The following IGSF10 variants were observed in gnomAD, a reference collection of about 807,000 sequenced individuals.
IGSF10 encodes calvaria mechanical force protein 608.
A neutral mutation model predicts 128.2 loss-of-function variants in IGSF10; 126 were observed. The observed-to-expected ratio is 0.98, with a 90% CI of 0.85 to 1.14. IGSF10 has a LOEUF of 1.14. IGSF10 is among the 50% of genes most tolerant of loss of function. IGSF10 has a pLI of 0.00. For missense variants in IGSF10, 3,295 were observed against 3,149.8 expected (o/e 1.05, Z -1.10); for synonymous variants, 1,185 against 1,146.2 (o/e 1.03, Z -0.68).
chr3:151,568,458 A>C, the IGSF10 span, among the ~76,000 whole-genome samples: 1 of 152,134 alleles, frequency 6.6e-6, no homozygotes, highest in South Asian at 2.1e-4. Context: ...ACTACTAGAT[A>C]GTGTTTGGCT....
At chr3:151,490,762 A>G in the IGSF10 span, among the ~76,000 whole-genome samples, 1 of 152,168 alleles carries the variant, frequency 6.6e-6, no homozygotes, top group African/African-American at 2.4e-5. Context: ...ATTAAACAAC[A>G]TGCTCCTGAA....
chr3:151,510,065 C>CA, the IGSF10 span, among the ~76,000 whole-genome samples: 4 of 152,222 alleles, frequency 2.6e-5, no homozygotes, highest in Non-Finnish European at 5.9e-5. Flanking sequence ...CACAGACAAA[C>CA]AAAAGACAGC....
At position 151,448,731 on chromosome 3, in the gene IGSF10, T is replaced by G; in HGVS notation, c.1250A>C (p.Asn417Thr). ...ATCTGCTCTGAGATCTGCCTCTATG[T>G]TGGTAAAAATGTCTTCAGGCTTAGG... ...VAPKPEDIFT[N>T]IEADLRADPS... The change falls in exon 6 of 8, where the codon AAC (asparagine) becomes ACC (threonine). Residue 417 changes from asparagine (N) to threonine (T), a missense_variant. Physicochemically the swap from Asn to Thr is moderately conservative, Grantham distance 65 (BLOSUM62 0). Coordinates refer to ENST00000282466, the MANE Select transcript of IGSF10 (RefSeq NM_178822.5). 1 of 1,613,736 alleles carries G rather than the reference T, an allele frequency of 6.2e-7. No individual in the cohort carries two copies. The highest frequency in any genetic ancestry group is 8.5e-7 in the Non-Finnish European group (1 of 1,179,630).
chr3:151,589,192 G>A, the IGSF10 span, among the ~76,000 whole-genome samples: 1 of 152,122 alleles, frequency 6.6e-6, no homozygotes, highest in African/African-American at 2.4e-5. Flanking sequence ...TAGAAGCCTT[G>A]TTAGCTTGTT....
rs746528954 is a variant in IGSF10, at chr3:151,445,650, C to T, written c.4331G>A (p.Ser1444Asn). 6.2e-7 allele frequency: 1 copy of T among 1,614,188 alleles called. No individual in the cohort carries two copies. Among genetic ancestry groups the T allele is most frequent in the Non-Finnish European group, 8.5e-7 (1 of 1,180,038 alleles). ...STIASETTLSSKSHQSTTTRK... is the reference protein window; with the variant it reads ...STIASETTLSNKSHQSTTTRK... ...AGTTGTGGTACTCTGGTGTGATTTG[C>T]TGGACAAAGTTGTTTCAGAAGCAAT... The change falls in exon 6 of 8, where the codon AGC becomes AAC. Residue 1444 changes from serine to asparagine, a missense_variant. By Grantham distance (46) the Ser-to-Asn change is conservative. Coordinates refer to ENST00000282466, the MANE Select transcript of IGSF10 (RefSeq NM_178822.5).
chr3:151,499,019 C>A, the IGSF10 span, among the ~76,000 whole-genome samples: 4 of 151,840 alleles, frequency 2.6e-5, no homozygotes, highest in Non-Finnish European at 4.4e-5. Flanking sequence ...GCAAAGGAAG[C>A]CATAGGAGGC....
chr3:151,544,037 G>A, the IGSF10 span, among the ~76,000 whole-genome samples: 1 of 152,104 alleles, frequency 6.6e-6, no homozygotes, highest in Non-Finnish European at 1.5e-5. Context: ...AGCCTCCCAA[G>A]TAGCTGGGAC....
At chr3:151,478,721 C>T in the IGSF10 span, among the ~76,000 whole-genome samples, 21 of 152,004 alleles carry the variant, frequency 1.4e-4, no homozygotes, top group Non-Finnish European at 2.8e-4. Flanking sequence ...AATCATTTTG[C>T]ATTTGAGAAG....
the IGSF10 span, among the ~76,000 whole-genome samples, chr3:151,532,085 G>C: frequency 2.6e-5 from 4 of 152,098 alleles, no homozygotes; most frequent in African/African-American, 9.7e-5. Context: ...TAGAAGAAAA[G>C]AACAAATTCC....
At chr3:151,504,843 G>T in the IGSF10 span, among the ~76,000 whole-genome samples, 1 of 152,222 alleles carries the variant, frequency 6.6e-6, no homozygotes, top group Non-Finnish European at 1.5e-5. Context: ...GTACTGATAA[G>T]ATTTGGCTGA....
the IGSF10 span, among the ~76,000 whole-genome samples, chr3:151,592,796 A>T: frequency 6.6e-5 from 10 of 152,212 alleles, no homozygotes; most frequent in Non-Finnish European, 1.5e-4. Flanking sequence ...TGACACTATT[A>T]TCATTACTGT....
the IGSF10 span, among the ~76,000 whole-genome samples, chr3:151,573,149 C>T: frequency 6.6e-6 from 1 of 152,104 alleles, no homozygotes; most frequent in African/African-American, 2.4e-5. Flanking sequence ...TTACTTCCAA[C>T]TATGTGGTCA....
intron 3 of IGSF10, among the ~76,000 whole-genome samples, chr3:151,457,483 T>C (rs1721850379): frequency 6.6e-6 from 1 of 152,162 alleles, no homozygotes; most frequent in Non-Finnish European, 1.5e-5. Context: ...ACACTTAATA[T>C]CTAGCCCATT....
chr3:151,558,008 A>ATATATATATTATATATAT, the IGSF10 span, among the ~76,000 whole-genome samples: 1 of 37,840 alleles, frequency 2.6e-5, no homozygotes, highest in Non-Finnish European at 4.5e-5. Context: ...TATATATAAT[A>ATATATATATTATATATAT]TATATATATA....
chr3:151,594,752 CAA>C, the IGSF10 span, among the ~76,000 whole-genome samples: 1 of 150,150 alleles, frequency 6.7e-6, no homozygotes, highest in Non-Finnish European at 1.5e-5. Flanking sequence ...TTGAATATTT[CAA>C]AATAGCTAAA....
At chr3:151,463,542 T>TTTTG (rs1722157956), upstream of IGSF10, among the ~76,000 whole-genome samples, 4 of 113,100 alleles carry the variant, frequency 3.5e-5, no homozygotes, top group Non-Finnish European at 7.0e-5. Context: ...TTTTTTTTTT[T>TTTTG]TTTTTTTTTT....
chr3:151,453,328 C>G, intron 5 of IGSF10, 56 bp downstream of exon 5: 1 of 1,400,632 alleles, frequency 7.1e-7, no homozygotes, highest in South Asian at 1.4e-5. Context: ...TAATATAATA[C>G]CTCCAAGCAG....
At chr3:151,464,706 C>G (rs1420424451), upstream of IGSF10, among the ~76,000 whole-genome samples, 1 of 152,178 alleles carries the variant, frequency 6.6e-6, no homozygotes, top group East Asian at 1.9e-4. Flanking sequence ...TTCAATTAAC[C>G]AAACAGTCAA....
the IGSF10 span, among the ~76,000 whole-genome samples, chr3:151,497,294 T>A: frequency 6.6e-6 from 1 of 152,142 alleles, no homozygotes. Flanking sequence ...TCTTCTAGGG[T>A]TTTTATGGCT....
Sources: allele counts gnomAD v4.1 joint callset (sites outside exome capture counted in the v4.1 genomes callset), GRCh38; gene constraint gnomAD v4.1.1; transcripts MANE v1.5; gene names NCBI Gene and HGNC (gene_info 2026-07-23, HGNC 2026-07-21).